The following ZBTB16 variants were observed in gnomAD, a reference collection of about 807,000 sequenced individuals.
The protein encoded by ZBTB16 is zinc finger and BTB domain-containing protein 16.
In ZBTB16, 8 loss-of-function variants were observed where a neutral mutation model predicts 56.8. The observed-to-expected ratio is 0.14, with a 90% confidence interval of 0.08 to 0.25. ZBTB16 has a LOEUF of 0.25. Among genes scored for constraint, ZBTB16 ranks in the 10% least tolerant of loss-of-function variants. ZBTB16 has a pLI of 1.00. For synonymous variants in ZBTB16, 363 were observed against 368.5 expected (o/e 0.98, Z 0.17); for missense variants, 625 against 903.0 (o/e 0.69, Z 3.95).
intron 4 of ZBTB16, among the ~76,000 whole-genome samples, chr11:114,232,402 A>G (rs1944456845): frequency 6.6e-6 from 1 of 152,206 alleles, no homozygotes; most frequent in Non-Finnish European, 1.5e-5. Flanking sequence ...CAAGCAGTGT[A>G]GAGAAACCGA....
chr11:114,082,591 C>T (rs1020341240), intron 2 of ZBTB16, among the ~76,000 whole-genome samples: 1 of 152,314 alleles, frequency 6.6e-6, no homozygotes, highest in Middle Eastern at 3.4e-3. Flanking sequence ...GCCCCCTGCT[C>T]CTTCCCTGCC....
intron 2 of ZBTB16, among the ~76,000 whole-genome samples, chr11:114,088,858 A>G (rs1940066633): frequency 6.6e-6 from 1 of 152,182 alleles, no homozygotes; most frequent in Non-Finnish European, 1.5e-5. Context: ...TTATTGTGGC[A>G]GGAATAGGCC....
chr11:114,130,705 A>G (rs1941637070), intron 2 of ZBTB16, among the ~76,000 whole-genome samples: 1 of 151,832 alleles, frequency 6.6e-6, no homozygotes, highest in Admixed American at 6.6e-5. Flanking sequence ...TTCCCAATTC[A>G]CTCTCCCAAC....
chr11:114,061,289 G>C (rs2137645127), intron 1 of ZBTB16: 1 of 151,886 alleles, frequency 6.6e-6, no homozygotes, highest in African/African-American at 2.4e-5. Context: ...ACGGCTGCCC[G>C]TGGGCGCCCA....
Position 114,064,395 on chromosome 11 carries a change from C to T in ZBTB16, c.1095C>T (p.Ser365=), listed in dbSNP as rs1385005843. The T allele has an allele frequency of 6.2e-7, 1 of 1,613,992 alleles. No individual in the cohort carries two copies. The highest frequency in any genetic ancestry group is 2.2e-5 in the East Asian group (1 of 44,884). Residue 365 remains serine, a synonymous_variant, in exon 2 of 7, where the codon TCC becomes TCT. Transcript: ENST00000335953. The surrounding 1 kb of genome is among the most constrained non-coding windows in gnomAD (Gnocchi z 4.2). ...ACGTGCAGCCTGCCCTGGCTGTCTC[C>T]ATGGACTTCAGCACCTATGGGGGGC... ...GLHVQPALAV[S]MDFSTYGGLL... is the part of the protein sequence containing the mutation.
Position 114,099,491 on chromosome 11 carries a change from A to G in ZBTB16, c.1268+34923A>G, listed in dbSNP as rs972505309. On this transcript the variant is annotated intron_variant, in intron 2 of 6. Coordinates refer to ENST00000335953, the MANE Select transcript of ZBTB16 (RefSeq NM_006006.6). ...AAAAAAAAAAGTAGTAACAAGAAAC[A>G]TAGCAGCTGCTGGGAAACATGCATT... 2.0e-5 allele frequency among the ~76,000 whole-genome samples: 3 copies of G among 152,102 alleles called. No individual in the cohort carries two copies. The East Asian group carries it at 5.8e-4, about 29-fold the overall frequency.
At chr11:114,163,963 C>A (rs1263681179) in intron 3 of ZBTB16, among the ~76,000 whole-genome samples, 4 of 152,188 alleles carry the variant, frequency 2.6e-5, no homozygotes, top group African/African-American at 9.7e-5. Context: ...TTTAGAGCCC[C>A]CTCGTTGCTA....
At chr11:114,091,886 C>T (rs1165027591) in intron 2 of ZBTB16, among the ~76,000 whole-genome samples, 2 of 152,144 alleles carry the variant, frequency 1.3e-5, no homozygotes, top group Non-Finnish European at 2.9e-5. Context: ...TCCCTGCAAC[C>T]ATTTAAACAA....
chr11:114,148,379 TCCTTCCTTCCTCCTTC>T (rs1942171163), intron 2 of ZBTB16, among the ~76,000 whole-genome samples: 1 of 135,222 alleles, frequency 7.4e-6, no homozygotes, highest in African/African-American at 3.0e-5. Flanking sequence ...CTTCCTTCCT[TCCTTCCTTCCTCCTTC>T]CCTCCCTCCC....
chr11:114,146,564 G>A lies in ZBTB16; in HGVS notation c.1269-9773G>A, dbSNP rs141783574. ...TTCTTTATCATTAAAACCTCAGTTG[G>A]GGCTAGGCACGGTGGCTCATACTTG... On this transcript the variant is annotated intron_variant, in intron 2 of 6. Transcript: ENST00000335953. Among the ~76,000 whole-genome samples, 1,330 of 152,072 alleles carry A rather than the reference G, an allele frequency of 8.7e-3. 11 individuals carry two copies. The highest frequency in any genetic ancestry group is 0.016 in the Non-Finnish European group (1,056 of 67,966).
chr11:114,114,260 C>T (rs1941105667), intron 2 of ZBTB16, among the ~76,000 whole-genome samples: 1 of 152,144 alleles, frequency 6.6e-6, no homozygotes, highest in South Asian at 2.1e-4. Flanking sequence ...TGGATGAAGT[C>T]CAAAGGTAGG....
chr11:114,077,100 G>T (rs1219783255), intron 2 of ZBTB16, among the ~76,000 whole-genome samples: 1 of 152,152 alleles, frequency 6.6e-6, no homozygotes, highest in Non-Finnish European at 1.5e-5. Flanking sequence ...ATGGCCGAGG[G>T]TTTTGTGTGT....
chr11:114,210,958 G>A (rs1013624761), intron 4 of ZBTB16: 91 of 181,024 alleles, frequency 5.0e-4, no homozygotes, highest in Non-Finnish European at 9.9e-4. Flanking sequence ...TCACTCTGTC[G>A]CCAGGCTGGA....
intron 2 of ZBTB16, among the ~76,000 whole-genome samples, chr11:114,144,478 A>T (rs557433153): frequency 2.0e-5 from 3 of 152,170 alleles, no homozygotes; most frequent in Non-Finnish European, 4.4e-5. Context: ...TGTTCTTTGC[A>T]AGGAGTCTGT....
intron 2 of ZBTB16, among the ~76,000 whole-genome samples, chr11:114,133,986 A>G (rs1371254533): frequency 1.3e-5 from 2 of 152,166 alleles, no homozygotes; most frequent in African/African-American, 4.8e-5. Context: ...ACCAGTACCC[A>G]AAAAGCCCAG....
intron 2 of ZBTB16, among the ~76,000 whole-genome samples, chr11:114,112,471 G>T (rs1941042702): frequency 6.6e-6 from 1 of 152,148 alleles, no homozygotes; most frequent in African/African-American, 2.4e-5. Context: ...GGAAGGGAGG[G>T]ATGAGGAAGA....
intron 2 of ZBTB16, among the ~76,000 whole-genome samples, chr11:114,128,229 G>A (rs1941565292): frequency 6.6e-6 from 1 of 152,186 alleles, no homozygotes. Flanking sequence ...AGCCTGGGGG[G>A]GATCCCAAGG....
Position 114,176,316 on chromosome 11 carries a change from C to T in ZBTB16, c.1367-10636C>T, listed in dbSNP as rs146877817. On this transcript the variant is annotated intron_variant, in intron 3 of 6. Transcript: ENST00000335953. ...GAAACCCTTACTCTTATATCCCTGG[C>T]TTTATTATCCAGCCTCTCACAAATG... is the stretch of plus-strand genomic sequence containing the variant. Among the ~76,000 whole-genome samples the T allele has an allele frequency of 6.1e-3, 923 of 152,280 alleles. 11 individuals are homozygous for T. The highest frequency in any genetic ancestry group is 0.021 in the African/African-American group (874 of 41,540).
In ZBTB16 at chr11:114,256,170, G is replaced by T. The variant is rs1458065995; in HGVS notation, c.*5615G>T. On this transcript the variant is annotated 3_prime_UTR_variant, in exon 7 of 7. Coordinates refer to ENST00000335953, the MANE Select transcript of ZBTB16 (RefSeq NM_006006.6). ...GTCACTTTTATGCCACATTTACAAG[G>T]CACAGATGCACTGAATAACATTTTT... is the stretch of plus-strand genomic sequence containing the variant. Among the ~76,000 whole-genome samples, 1 of 151,994 alleles carries T rather than the reference G, an allele frequency of 6.6e-6. No homozygotes were observed. Among genetic ancestry groups the T allele is most frequent in the African/African-American group, 2.4e-5 (1 of 41,390 alleles).
Sources: gnomAD v4.1 joint callset for allele counts (sites outside exome capture counted in the v4.1 genomes callset) on GRCh38, gnomAD v4.1.1 for gene constraint, Gnocchi (gnomAD v3.1) non-coding constraint, MANE v1.5 for transcripts, NCBI Gene and HGNC (gene_info 2026-07-23, HGNC 2026-07-21) for gene names.